Variants in HMCN1 observed in about 807,000 individuals in gnomAD.
HMCN1 encodes the protein hemicentin-1.
HMCN1 carries 321 observed loss-of-function variants against 625.9 expected under a neutral mutation model. That is an observed-to-expected ratio of 0.51 (90% CI 0.47 to 0.56). The LOEUF (loss-of-function observed/expected upper bound fraction) is 0.56, where lower values mean the gene tolerates loss of function less well. Ranked by LOEUF, HMCN1 falls within the 20% of genes least tolerant of loss-of-function variation. The pLI is 0.00. For synonymous variants in HMCN1, 2,425 were observed against 2,417.6 expected (o/e 1.00, Z -0.09); for missense variants, 6,588 against 6,887.3 (o/e 0.96, Z 1.54).
chr1:185,797,779 A>G (rs1203513397), intron 1 of HMCN1, among the ~76,000 whole-genome samples: 1 of 133,798 alleles, frequency 7.5e-6, no homozygotes, highest in Non-Finnish European at 1.5e-5. Context: ...ATCCCGGCTA[A>G]AACGGTGAAA....
Position 186,108,587 on chromosome 1 carries a change from A to G in HMCN1, c.10979A>G (p.Glu3660Gly), listed in dbSNP as rs577073629. Residue 3660 changes from glutamate (E) to glycine (G), a missense_variant, in exon 71 of 107, where the codon GAA (glutamate) becomes GGA (glycine). Coordinates refer to ENST00000271588, the MANE Select transcript of HMCN1 (RefSeq NM_031935.3). ...GTAATTACTTGGCTCAGAAATGGAG[A>G]ACGGTTACAGGTAAATTTTTTGATA... ...PPVITWLRNG[E>G]RLQATPRVRI... 6.2e-7 allele frequency: 1 copy of G among 1,614,076 alleles called. No homozygotes were observed. Among genetic ancestry groups the G allele is most frequent in the African/African-American group, 1.3e-5 (1 of 75,038 alleles).
chr1:186,145,077 G>A (rs1650228512), intron 91 of HMCN1, among the ~76,000 whole-genome samples: 1 of 152,248 alleles, frequency 6.6e-6, no homozygotes, highest in South Asian at 2.1e-4. Context: ...GGAAATCTGA[G>A]TTACATTGTA....
intron 42 of HMCN1, among the ~76,000 whole-genome samples, chr1:186,049,625 A>G (rs952138020): frequency 1.3e-5 from 2 of 151,892 alleles, no homozygotes; most frequent in Non-Finnish European, 2.9e-5. Flanking sequence ...ACTTTAAAAA[A>G]CTTATAACTT....
At chr1:185,810,655 T>C (rs983111477) in intron 1 of HMCN1, among the ~76,000 whole-genome samples, 5 of 29,688 alleles carry the variant, frequency 1.7e-4, no homozygotes, top group Admixed American at 9.5e-4. Context: ...ATATCAACTT[T>C]GTGTGTGTGT....
Position 185,922,327 on chromosome 1 carries a change from G to T in HMCN1, c.901-52G>T. On this transcript the variant is annotated intron_variant, in intron 6 of 106. Transcript: ENST00000271588. The stretch of plus-strand genomic sequence containing the variant: ...TCCCATACTGGCGAGGGTTGCATAT[G>T]ACCAGCATACTGGATCAACTGCTGA... 6 of 1,608,210 alleles carry T rather than the reference G, an allele frequency of 3.7e-6. No individual in the cohort carries two copies. The African/African-American group carries it at 4.0e-5, about 11-fold the overall frequency.
intron 30 of HMCN1, among the ~76,000 whole-genome samples, chr1:186,007,652 G>T (rs1322794851): frequency 6.6e-6 from 1 of 152,082 alleles, no homozygotes; most frequent in Non-Finnish European, 1.5e-5. Context: ...ATGATATGCA[G>T]ACAATTCAAT....
chr1:186,128,673 A>G (rs983597990), intron 83 of HMCN1, among the ~76,000 whole-genome samples: 2 of 152,062 alleles, frequency 1.3e-5, no homozygotes, highest in African/African-American at 2.4e-5. Flanking sequence ...TTAATTTTAC[A>G]GAGAAGAATT....
intron 1 of HMCN1, among the ~76,000 whole-genome samples, chr1:185,826,946 GT>G: frequency 6.6e-6 from 1 of 152,098 alleles, no homozygotes; most frequent in South Asian, 2.1e-4. Context: ...GGAGGCCAAG[GT>G]GGGCGGATCA....
chr1:186,108,333 C>G, intron 70 of HMCN1, 128 bp from the exon 71 acceptor site: 2 of 1,419,502 alleles, frequency 1.4e-6, no homozygotes, highest in South Asian at 2.5e-5. Flanking sequence ...TTGTAATTAT[C>G]TAGGCTATAA....
chr1:185,841,241 A>T (rs1299398523), intron 1 of HMCN1, among the ~76,000 whole-genome samples: 4 of 152,226 alleles, frequency 2.6e-5, no homozygotes, highest in Non-Finnish European at 5.9e-5. Context: ...AGTTTCAGAC[A>T]TTAGTTTTTT....
At chr1:185,846,679 G>A (rs1221769352) in intron 2 of HMCN1, among the ~76,000 whole-genome samples, 2 of 152,110 alleles carry the variant, frequency 1.3e-5, no homozygotes, top group East Asian at 3.9e-4. Context: ...CTGTTTCACT[G>A]TACTACCTTC....
intron 63 of HMCN1, among the ~76,000 whole-genome samples, chr1:186,090,326 A>G (rs1360576974): frequency 6.6e-6 from 1 of 152,012 alleles, no homozygotes. Flanking sequence ...ACCAACTTAG[A>G]TAATTTCCTC....
At chr1:185,783,903 G>A (rs1271889464) in intron 1 of HMCN1, among the ~76,000 whole-genome samples, 4 of 152,080 alleles carry the variant, frequency 2.6e-5, no homozygotes, top group Non-Finnish European at 5.9e-5. Context: ...AGTCTGCAGA[G>A]GTTTCTGCTG....
chr1:185,870,246 G>A (rs759800080), intron 4 of HMCN1, among the ~76,000 whole-genome samples: 4 of 152,016 alleles, frequency 2.6e-5, no homozygotes, highest in Admixed American at 1.3e-4. Flanking sequence ...AACTATTGCA[G>A]TATTATTCCA....
chr1:186,034,549 A>C (rs1242245612), intron 36 of HMCN1, among the ~76,000 whole-genome samples: 1 of 152,180 alleles, frequency 6.6e-6, no homozygotes, highest in African/African-American at 2.4e-5. Flanking sequence ...CAGACAGGTC[A>C]AATAATGACA....
At chr1:185,938,684 G>A (rs61829922) in intron 11 of HMCN1, among the ~76,000 whole-genome samples, 6,922 of 152,118 alleles carry the variant, frequency 0.046, 216 homozygotes, top group South Asian at 0.07. Flanking sequence ...TCCAACAGCA[G>A]AAGCAAATGT....
At position 186,081,340 on chromosome 1, in the gene HMCN1, G is replaced by A. The variant is rs757150387; in HGVS notation, c.8733G>A (p.Gln2911=). ...APRNSWQKDG[Q]PLLEDDHHKF... ...GGAATTCCTGGCAGAAAGATGGACA[G>A]CCCTTGCTAGAAGATGACCATCATA... The change falls in exon 56 of 107, where the codon CAG becomes CAA. Residue 2911 remains glutamine, a synonymous_variant. Transcript: ENST00000271588. 1 of 1,613,734 alleles carries A rather than the reference G, an allele frequency of 6.2e-7. No individual in the cohort carries two copies. The highest frequency in any genetic ancestry group is 8.5e-7 in the Non-Finnish European group (1 of 1,179,746).
chr1:186,175,352 G>A (rs988519620), intron 103 of HMCN1, among the ~76,000 whole-genome samples: 5 of 152,018 alleles, frequency 3.3e-5, no homozygotes, highest in African/African-American at 7.2e-5. Context: ...TGGGTTTCAC[G>A]CTATGCTTTT....
rs1401287950 is a variant in HMCN1 at position 186,076,414 on chromosome 1, C to T, written c.8291-14C>T. On this transcript the variant is annotated splice_polypyrimidine_tract_variant and intron_variant, in intron 53 of 106. Transcript: ENST00000271588. ...ATTTATATGTGACCAACATTTAATG[C>T]CTTTCCTCCATAGTTCCTCCAAGTT... 3 of 1,611,094 alleles carry T rather than the reference C, an allele frequency of 1.9e-6. No homozygotes were observed. The Admixed American group carries it at 5.0e-5, about 27-fold the overall frequency.
Sources: gnomAD v4.1 joint callset for allele counts (sites outside exome capture counted in the v4.1 genomes callset) on GRCh38, gnomAD v4.1.1 for gene constraint, MANE v1.5 for transcripts, NCBI Gene and HGNC (gene_info 2026-07-23, HGNC 2026-07-21) for gene names.